The following SV2C variants were observed in gnomAD, a reference collection of about 807,000 sequenced individuals.
SV2C encodes the protein solute carrier family 22 member B3.
A neutral mutation model predicts 79.7 loss-of-function variants in SV2C; 49 were observed. That is an observed-to-expected ratio of 0.61 (90% CI 0.49 to 0.78). The LOEUF (loss-of-function observed/expected upper bound fraction) is 0.78, where lower values mean the gene tolerates loss of function less well. Ranked by LOEUF, SV2C falls within the 30% of genes least tolerant of loss-of-function variation. The probability of loss-of-function intolerance (pLI) is 0.00; values close to 1 mark genes in which losing one functional copy is unlikely to be tolerated. For synonymous variants in SV2C, 334 were observed against 333.2 expected (o/e 1.00, Z -0.03); for missense variants, 833 against 912.9 (o/e 0.91, Z 1.13).
chr5:76,287,804 TGGCC>T (rs1747401728), intron 6 of SV2C, among the ~76,000 whole-genome samples: 1 of 152,284 alleles, frequency 6.6e-6, no homozygotes, highest in Non-Finnish European at 1.5e-5. Context: ...AGACTAAAAA[TGGCC>T]AGGCGTGGTG....
chr5:75,939,217 G>C, the SV2C span, among the ~76,000 whole-genome samples: 1 of 152,090 alleles, frequency 6.6e-6, no homozygotes, highest in African/African-American at 2.4e-5. Context: ...CCATAGGCTG[G>C]GTAGTTTAAG....
chr5:76,295,141 A>G (rs1246077116), intron 8 of SV2C, among the ~76,000 whole-genome samples: 1 of 152,168 alleles, frequency 6.6e-6, no homozygotes, highest in Non-Finnish European at 1.5e-5. Context: ...TTTGTAAATA[A>G]TAGGAATTTT....
chr5:76,022,151 C>G, the SV2C span, among the ~76,000 whole-genome samples: 3 of 152,206 alleles, frequency 2.0e-5, no homozygotes, highest in African/African-American at 7.2e-5. Context: ...TGCCTCACAG[C>G]GGCATTAACT....
At chr5:76,048,993 A>AAGAAAGAAAGAAAG in the SV2C span, among the ~76,000 whole-genome samples, 1 of 96,804 alleles carries the variant, frequency 1.0e-5, no homozygotes. Context: ...GAAAGAAAGA[A>AAGAAAGAAAGAAAG]AGAAAGAAAG....
At chr5:76,170,453 C>G (rs1208342007) in intron 2 of SV2C, among the ~76,000 whole-genome samples, 1 of 117,868 alleles carries the variant, frequency 8.5e-6, no homozygotes, top group African/African-American at 3.2e-5. Flanking sequence ...TATGCATGAG[C>G]AAGCAAGGGA....
the SV2C span, among the ~76,000 whole-genome samples, chr5:75,853,371 A>G: frequency 2.0e-5 from 3 of 151,738 alleles, no homozygotes; most frequent in African/African-American, 7.3e-5. Context: ...CCTGGCTAAC[A>G]CGGTGAAACC....
At chr5:76,227,906 T>C (rs773638608) in intron 4 of SV2C, among the ~76,000 whole-genome samples, 4 of 152,192 alleles carry the variant, frequency 2.6e-5, no homozygotes, top group Non-Finnish European at 5.9e-5. Context: ...GCGGCTCACT[T>C]AGCTGAGACC....
At chr5:76,035,150 A>C in the SV2C span, among the ~76,000 whole-genome samples, 325 of 150,664 alleles carry the variant, frequency 2.2e-3, 2 homozygotes, top group African/African-American at 7.7e-3. Flanking sequence ...TTTTCTTTAT[A>C]AGTCTTGCTA....
the SV2C span, among the ~76,000 whole-genome samples, chr5:75,852,704 T>A: frequency 6.6e-6 from 1 of 151,890 alleles, no homozygotes; most frequent in Non-Finnish European, 1.5e-5. Context: ...CAGGTGCCTG[T>A]AGTCCCAGCT....
chr5:75,986,489 T>C, the SV2C span, among the ~76,000 whole-genome samples: 2 of 152,096 alleles, frequency 1.3e-5, no homozygotes, highest in African/African-American at 4.8e-5. Context: ...TGCCAATATC[T>C]TGACATTAGC....
At chr5:76,255,301 C>T (rs1291686195) in intron 4 of SV2C, among the ~76,000 whole-genome samples, 3 of 152,190 alleles carry the variant, frequency 2.0e-5, no homozygotes, top group African/African-American at 7.2e-5. Context: ...TCTGTTTTCC[C>T]AGACTGGAAT....
At chr5:76,263,380 C>T (rs970755673) in intron 4 of SV2C, among the ~76,000 whole-genome samples, 2 of 151,998 alleles carry the variant, frequency 1.3e-5, no homozygotes, top group African/African-American at 4.8e-5. Flanking sequence ...GATGGGTCTC[C>T]TGAATAGAGC....
the SV2C span, among the ~76,000 whole-genome samples, chr5:76,053,687 A>T: frequency 6.6e-6 from 1 of 152,138 alleles, no homozygotes; most frequent in Non-Finnish European, 1.5e-5. Context: ...AGGCAACTCA[A>T]TTGTGCTTCC....
At chr5:76,146,330 A>G (rs980825751) in intron 2 of SV2C, among the ~76,000 whole-genome samples, 1 of 152,222 alleles carries the variant, frequency 6.6e-6, no homozygotes, top group African/African-American at 2.4e-5. Flanking sequence ...TAGCTACTCC[A>G]TGGACCAGCC....
At chr5:76,274,792 A>T (rs1434209325) in intron 4 of SV2C, among the ~76,000 whole-genome samples, 1 of 151,938 alleles carries the variant, frequency 6.6e-6, no homozygotes, top group African/African-American at 2.4e-5. Context: ...GGAGTCACAG[A>T]TGCATGACAA....
At chr5:75,941,751 C>A in the SV2C span, among the ~76,000 whole-genome samples, 2 of 152,178 alleles carry the variant, frequency 1.3e-5, no homozygotes, top group African/African-American at 4.8e-5. Context: ...CCTTCTCCTG[C>A]CTTCCTTTAC....
intron 2 of SV2C, among the ~76,000 whole-genome samples, chr5:76,133,489 C>A (rs1748972007): frequency 6.6e-6 from 1 of 152,204 alleles, no homozygotes; most frequent in Admixed American, 6.5e-5. Context: ...GAGAGATACT[C>A]ATGAATGAGA....
chr5:76,325,338 C>G, intron 12 of SV2C, 26 bp from the exon 13 acceptor site: 1 of 1,611,254 alleles, frequency 6.2e-7, no homozygotes, highest in Non-Finnish European at 8.5e-7. Flanking sequence ...TTTTCTCAAC[C>G]TTGTTCATGT....
At chr5:75,969,810 G>A in the SV2C span, among the ~76,000 whole-genome samples, 1 of 152,006 alleles carries the variant, frequency 6.6e-6, no homozygotes, top group South Asian at 2.1e-4. Flanking sequence ...ACTCAGCTCT[G>A]CACCAAGCAG....
Sources: allele counts gnomAD v4.1 joint callset (sites outside exome capture counted in the v4.1 genomes callset), GRCh38; gene constraint gnomAD v4.1.1; transcripts MANE v1.5; gene names NCBI Gene and HGNC (gene_info 2026-07-23, HGNC 2026-07-21).